The following CALU variants were observed in gnomAD, a reference collection of about 807,000 sequenced individuals.
The protein encoded by CALU is IEF SSP 9302.
In CALU, 13 loss-of-function variants were observed where a neutral mutation model predicts 37.5. The observed-to-expected ratio is 0.35, with a 90% CI of 0.23 to 0.55. The LOEUF (loss-of-function observed/expected upper bound fraction) is 0.55. Among genes scored for constraint, CALU ranks in the 20% least tolerant of loss-of-function variants. The probability of loss-of-function intolerance (pLI) is 0.89; values close to 1 mark genes in which losing one functional copy is unlikely to be tolerated. For synonymous variants in CALU, 114 were observed against 133.8 expected, an observed-to-expected ratio of 0.85 and a Z score of 1.02; for missense variants, 282 against 391.7, an observed-to-expected ratio of 0.72 and a Z score of 2.36.
Position 128,772,843 on chromosome 7 carries a change from G to A in CALU, c.*3676G>A, listed in dbSNP as rs1363153400. Among the ~76,000 whole-genome samples the A allele has an allele frequency of 1.3e-5, 2 of 152,102 alleles. No individual in the cohort carries two copies. Among genetic ancestry groups the A allele is most frequent in the African/African-American group, 4.8e-5 (2 of 41,386 alleles). On this transcript the variant is annotated 3_prime_UTR_variant, in exon 7 of 7. Coordinates refer to ENST00000249364, the MANE Select transcript of CALU (RefSeq NM_001219.5). The stretch of plus-strand genomic sequence containing the variant: ...GATTCCAGTCTAGAACTACTCCTGG[G>A]TCTACGGTAATCCTAAACTGGTCAA...
At chr7:128,750,711 T>TG (rs1412955403) in intron 2 of CALU, among the ~76,000 whole-genome samples, 6 of 152,316 alleles carry the variant, frequency 3.9e-5, no homozygotes, top group Middle Eastern at 3.4e-3. Context: ...ATTGTTTTGG[T>TG]GGGGTAATGT....
rs771637402 is a variant in CALU, at chr7:128,758,905, A to G, written c.450A>G (p.Lys150=). The part of the protein sequence containing the change: ...DPDPDDGFNY[K]QMMVRDERRF... Reference sequence around the variant, plus strand: ...ATCCTGATGATGGATTTAACTATAAACAGATGATGGTTAGAGATGAGCGGA... The same window carrying G: ...ATCCTGATGATGGATTTAACTATAAGCAGATGATGGTTAGAGATGAGCGGA... The change falls in exon 4 of 7, where the codon AAA becomes AAG. Residue 150 remains lysine (K), a synonymous_variant. Transcript: ENST00000249364. The G allele has an allele frequency of 5.6e-6, 9 of 1,613,946 alleles. No homozygotes were observed. Among genetic ancestry groups the G allele is most frequent in the Non-Finnish European group, 7.6e-6 (9 of 1,179,852 alleles).
intron 5 of CALU, chr7:128,761,450 G>A (rs1046113833): frequency 3.3e-5 from 5 of 152,146 alleles, no homozygotes; most frequent in African/African-American, 1.2e-4. Flanking sequence ...GACCTCCTGG[G>A]AGCAGAGGAT....
chr7:128,748,049 A>G (rs1283499048), intron 1 of CALU: 1 of 248,778 alleles, frequency 4.0e-6, no homozygotes, highest in Non-Finnish European at 7.6e-6. Flanking sequence ...TCCTAATCTC[A>G]TGAACATCAG....
At chr7:128,753,797 G>A (rs73467159) in intron 2 of CALU, among the ~76,000 whole-genome samples, 1,780 of 152,270 alleles carry the variant, frequency 0.012, 28 homozygotes, top group South Asian at 0.044. Flanking sequence ...GAAGTCTGAT[G>A]TAACTATTTT....
rs1012831963 is a variant in CALU at position 128,768,847 on chromosome 7, C to CAAAAAAAAA, written c.844-203_844-195dup. 2.1e-3 allele frequency among the ~76,000 whole-genome samples: 117 copies of CAAAAAAAAA among 55,064 alleles called. 7 individuals are homozygous for CAAAAAAAAA. The highest frequency in any genetic ancestry group is 0.011 in the Middle Eastern group (1 of 88). The allele number at this position is 55,064 out of a possible 152,430, so 36.1% of individuals were successfully genotyped here. On this transcript the variant is annotated intron_variant, in intron 6 of 6. Transcript: ENST00000249364. ...GGGCAACAAGAGCGAAACTCCGTCT[C>CAAAAAAAAA]AAAAAAAAAAAAAAAAAAAAACAAG... is the stretch of plus-strand genomic sequence containing the variant.
chr7:128,755,070 T>C (rs1800820598), intron 3 of CALU, among the ~76,000 whole-genome samples: 1 of 150,600 alleles, frequency 6.6e-6, no homozygotes, highest in Admixed American at 6.6e-5. Flanking sequence ...TTTGGGATGC[T>C]GAGGCAGGAG....
At chr7:128,742,486 G>A (rs1800276605) in intron 1 of CALU, among the ~76,000 whole-genome samples, 1 of 152,188 alleles carries the variant, frequency 6.6e-6, no homozygotes, top group Non-Finnish European at 1.5e-5. Context: ...CAGTGTTAAC[G>A]TTCTTGTGAA....
At chr7:128,743,525 T>C (rs1423080490) in intron 1 of CALU, among the ~76,000 whole-genome samples, 2 of 151,850 alleles carry the variant, frequency 1.3e-5, no homozygotes, top group Non-Finnish European at 1.5e-5. Flanking sequence ...CTTTTTTTTT[T>C]CTTTTTCTTT....
intron 3 of CALU, 149 bp downstream of exon 3, chr7:128,754,604 C>T (rs1317764734): frequency 1.1e-5 from 17 of 1,551,494 alleles, no homozygotes; most frequent in Middle Eastern, 1.7e-4. Flanking sequence ...GGATTAAGCA[C>T]GCCCAGAAGA....
At chr7:128,743,436 A>T (rs1056342626) in intron 1 of CALU, among the ~76,000 whole-genome samples, 2 of 152,210 alleles carry the variant, frequency 1.3e-5, no homozygotes, top group South Asian at 4.1e-4. Context: ...ATACACAAAG[A>T]TCTTTCCAGC....
chr7:128,754,130 G>T, intron 2 of CALU, 132 bp from the exon 3 acceptor site: 6 of 663,698 alleles, frequency 9.0e-6, no homozygotes, highest in Admixed American at 3.0e-5. Flanking sequence ...ATTTTTTTCA[G>T]TTGCTGGCCT....
At chr7:128,759,087 G>T in intron 4 of CALU, 50 bp downstream of exon 4, 1 of 1,469,620 alleles carries the variant, frequency 6.8e-7, no homozygotes, top group Non-Finnish European at 9.4e-7. Context: ...TCTTTTTGTG[G>T]CTTATTCTGT....
chr7:128,758,383 C>A (rs1800974034), intron 3 of CALU, among the ~76,000 whole-genome samples: 1 of 152,170 alleles, frequency 6.6e-6, no homozygotes, highest in Non-Finnish European at 1.5e-5. Flanking sequence ...TGAAAGCCAA[C>A]TATGTGCCAG....
At chr7:128,752,166 C>G (rs919306400) in intron 2 of CALU, among the ~76,000 whole-genome samples, 7 of 152,062 alleles carry the variant, frequency 4.6e-5, no homozygotes, top group African/African-American at 1.7e-4. Context: ...CACACACACA[C>G]CATACCATAT....
Position 128,770,813 on chromosome 7 carries a change from A to G in CALU, c.*1646A>G, listed in dbSNP as rs1248946765. 2 of 152,638 alleles carry G rather than the reference A, an allele frequency of 1.3e-5. No homozygotes were observed. The highest frequency in any genetic ancestry group is 2.4e-5 in the African/African-American group (1 of 41,452). The allele number at this position is 152,638 out of a possible 1,614,324, so 9.5% of individuals were successfully genotyped here. A position where few individuals can be genotyped will look rare whatever the true frequency, so the allele number is the denominator to read the frequency against. On this transcript the variant is annotated 3_prime_UTR_variant, in exon 7 of 7. Coordinates refer to ENST00000249364, the MANE Select transcript of CALU (RefSeq NM_001219.5). The stretch of plus-strand genomic sequence containing the variant: ...GTTACCAAGATAAATATATGTATAT[A>G]TAACCTTTATTATTGCTATATCTTT...
At chr7:128,760,247 A>G (rs986485513) in intron 5 of CALU, among the ~76,000 whole-genome samples, 1 of 152,158 alleles carries the variant, frequency 6.6e-6, no homozygotes, top group African/African-American at 2.4e-5. Context: ...AATTTACTCC[A>G]AGGGTCAATT....
rs1801628479 is a variant in CALU, at chr7:128,772,581, C to A, written c.*3414C>A. ...TGGGTAGACGAGACAGTAGAAACTT[C>A]TGTTTTCTGGGAGCTGCATGTGTCG... is the stretch of plus-strand genomic sequence containing the variant. On this transcript the variant is annotated 3_prime_UTR_variant, in exon 7 of 7. Transcript: ENST00000249364. The A allele has an allele frequency of 1.2e-6, 2 of 1,614,090 alleles. No homozygotes were observed. Among genetic ancestry groups the A allele is most frequent in the South Asian group, 1.1e-5 (1 of 91,092 alleles).
Position 128,769,395 on chromosome 7 carries a change from T to C in CALU, c.*228T>C, listed in dbSNP as rs537258411. ...TACACTTGTGTTTGTAGATTTACAC[T>C]TTGTATTATGTATTAACATGGCGTG... On this transcript the variant is annotated 3_prime_UTR_variant, in exon 7 of 7. Transcript: ENST00000249364. 822 of 371,980 alleles carry C rather than the reference T, an allele frequency of 2.2e-3. 20 individuals are homozygous for C. The South Asian group carries it at 0.037, about 17-fold the overall frequency. 23.0% of individuals were successfully genotyped at this position (371,980 alleles called of 1,614,324 possible).
Sources: gnomAD v4.1 joint callset for allele counts (sites outside exome capture counted in the v4.1 genomes callset) on GRCh38, gnomAD v4.1.1 for gene constraint, MANE v1.5 for transcripts, NCBI Gene and HGNC (gene_info 2026-07-23, HGNC 2026-07-21) for gene names.